Variants in ROR1 observed in about 807,000 individuals in gnomAD.
ROR1 encodes the protein inactive tyrosine-protein kinase transmembrane receptor ROR1.
A neutral mutation model predicts 78.8 loss-of-function variants in ROR1; 19 were observed. The observed-to-expected ratio is 0.24, with a 90% CI of 0.17 to 0.35. The LOEUF (loss-of-function observed/expected upper bound fraction) is 0.35, where lower values mean the gene tolerates loss of function less well. Ranked by LOEUF, ROR1 falls within the 10% of genes least tolerant of loss-of-function variation. The pLI is 1.00. For missense variants in ROR1, 917 were observed against 1,177.8 expected (o/e 0.78, Z 3.24); for synonymous variants, 386 against 433.6 (o/e 0.89, Z 1.36).
chr1:63,876,896 T>C (rs564535693), intron 1 of ROR1, among the ~76,000 whole-genome samples: 16 of 150,720 alleles, frequency 1.1e-4, no homozygotes, highest in African/African-American at 3.5e-4. Context: ...TTACTTGCCA[T>C]TGAGTTGCCA....
intron 1 of ROR1, among the ~76,000 whole-genome samples, chr1:64,005,689 T>G (rs1169292526): frequency 6.6e-6 from 1 of 152,044 alleles, no homozygotes; most frequent in Non-Finnish European, 1.5e-5. Context: ...TTCCTTTCAG[T>G]GAAGAAAAAA....
intron 1 of ROR1, among the ~76,000 whole-genome samples, chr1:63,954,956 A>G (rs1232047501): frequency 1.3e-5 from 2 of 152,204 alleles, no homozygotes; most frequent in African/African-American, 4.8e-5. Flanking sequence ...AAGATAGACA[A>G]GTAGGCAAAA....
chr1:63,845,874 AT>A (rs1379277046), intron 1 of ROR1, among the ~76,000 whole-genome samples: 1 of 151,992 alleles, frequency 6.6e-6, no homozygotes, highest in Non-Finnish European at 1.5e-5. Context: ...TGGTGTAGAG[AT>A]TTAGTAATTT....
At chr1:64,029,241 C>T (rs1432766744) in intron 2 of ROR1, among the ~76,000 whole-genome samples, 1 of 152,108 alleles carries the variant, frequency 6.6e-6, no homozygotes, top group East Asian at 1.9e-4. Flanking sequence ...TTATCTCCTT[C>T]TACCATTAAC....
intron 4 of ROR1, among the ~76,000 whole-genome samples, chr1:64,109,216 C>CTTCTAGACCTTATAG (rs1647974320): frequency 6.6e-6 from 1 of 152,174 alleles, no homozygotes; most frequent in Admixed American, 6.5e-5. Flanking sequence ...GTAGCCAAAT[C>CTTCTAGACCTTATAG]TTCTAGACCT....
intron 1 of ROR1, among the ~76,000 whole-genome samples, chr1:63,861,098 G>T (rs1645179039): frequency 3.9e-5 from 6 of 152,094 alleles, no homozygotes; most frequent in Admixed American, 3.9e-4. Context: ...AAATAAAAAG[G>T]TTTTCTCTCT....
chr1:64,156,990 C>T (rs1032199206), intron 7 of ROR1, among the ~76,000 whole-genome samples: 9 of 152,164 alleles, frequency 5.9e-5, no homozygotes, highest in Admixed American at 1.3e-4. Flanking sequence ...CCAGCATCTT[C>T]ACCTATAAAA....
intron 1 of ROR1, among the ~76,000 whole-genome samples, chr1:63,809,003 C>T (rs934451061): frequency 1.3e-5 from 2 of 152,096 alleles, no homozygotes; most frequent in East Asian, 1.9e-4. Context: ...CATCTTGTCA[C>T]ACAACTTGAT....
intron 2 of ROR1, among the ~76,000 whole-genome samples, chr1:64,036,582 G>A (rs192838920): frequency 1.9e-4 from 29 of 152,126 alleles, no homozygotes; most frequent in African/African-American, 5.8e-4. Flanking sequence ...TTGAAACCAG[G>A]GACTGTGTGT....
intron 1 of ROR1, among the ~76,000 whole-genome samples, chr1:63,843,969 A>G (rs1645064673): frequency 6.6e-6 from 1 of 152,166 alleles, no homozygotes; most frequent in African/African-American, 2.4e-5. Flanking sequence ...TCTATAGGAA[A>G]GGCCCAAGCT....
At chr1:64,151,188 G>A (rs1193274861) in intron 7 of ROR1, among the ~76,000 whole-genome samples, 3 of 152,192 alleles carry the variant, frequency 2.0e-5, no homozygotes, top group Non-Finnish European at 4.4e-5. Flanking sequence ...GGGCTAACAT[G>A]AATGGGAGGT....
At chr1:63,869,682 T>C (rs2100357195) in intron 1 of ROR1, among the ~76,000 whole-genome samples, 1 of 152,332 alleles carries the variant, frequency 6.6e-6, no homozygotes, top group South Asian at 2.1e-4. Context: ...AGTTGTAATC[T>C]TGCTGGTCTT....
At position 63,901,986 on chromosome 1, in the gene ROR1, A is replaced by G. The variant is rs567738755; in HGVS notation, c.92-107319A>G. Among the ~76,000 whole-genome samples the G allele has an allele frequency of 3.9e-5, 6 of 152,352 alleles. No individual in the cohort carries two copies. The East Asian group carries it at 1.2e-3, about 29-fold the overall frequency. ...ATACTGCAATACAGTATAGTGGAGA[A>G]AGGTTGAGTATGAACTTGGGAATAA... On this transcript the variant is annotated intron_variant, in intron 1 of 8. Transcript: ENST00000371079.
chr1:64,075,117 AAAC>A (rs1479810251), intron 4 of ROR1, among the ~76,000 whole-genome samples: 5 of 152,208 alleles, frequency 3.3e-5, no homozygotes, highest in African/African-American at 1.2e-4. Flanking sequence ...GTGCTTGATC[AAAC>A]AATAAGCTTA....
At chr1:63,909,723 A>G (rs1352160403) in intron 1 of ROR1, among the ~76,000 whole-genome samples, 3 of 152,106 alleles carry the variant, frequency 2.0e-5, no homozygotes, top group African/African-American at 7.2e-5. Context: ...TTAAATATAT[A>G]AAGTCAATCA....
intron 1 of ROR1, among the ~76,000 whole-genome samples, chr1:64,006,685 G>T (rs909457724): frequency 6.6e-6 from 1 of 152,186 alleles, no homozygotes; most frequent in African/African-American, 2.4e-5. Context: ...CCCCTTGAAA[G>T]AGTCTATGCT....
intron 1 of ROR1, among the ~76,000 whole-genome samples, chr1:63,826,502 A>G (rs1286893737): frequency 6.6e-6 from 1 of 151,982 alleles, no homozygotes; most frequent in Non-Finnish European, 1.5e-5. Context: ...ATTGATGGGT[A>G]TTTGTGTTGA....
At chr1:63,848,356 C>T (rs550161860) in intron 1 of ROR1, among the ~76,000 whole-genome samples, 7 of 152,250 alleles carry the variant, frequency 4.6e-5, no homozygotes, top group African/African-American at 1.4e-4. Context: ...GCAATAAGAT[C>T]CTGTTACACA....
intron 1 of ROR1, among the ~76,000 whole-genome samples, chr1:63,991,601 A>G (rs1028850790): frequency 1.3e-5 from 2 of 152,132 alleles, no homozygotes; most frequent in Non-Finnish European, 2.9e-5. Flanking sequence ...GGTCTTCTTC[A>G]CCCATATGGG....
Sources: allele counts gnomAD v4.1 joint callset (sites outside exome capture counted in the v4.1 genomes callset), GRCh38; gene constraint gnomAD v4.1.1; transcripts MANE v1.5; gene names NCBI Gene and HGNC (gene_info 2026-07-23, HGNC 2026-07-21).